The following EDRF1 variants were observed in gnomAD, a reference collection of about 807,000 sequenced individuals.
The protein encoded by EDRF1 is erythroid differentiation-related factor 1.
A neutral mutation model predicts 148.7 loss-of-function variants in EDRF1; 69 were observed. The ratio of observed to expected loss-of-function variants is 0.46; its 90% CI spans 0.38 to 0.57. The LOEUF (loss-of-function observed/expected upper bound fraction) is 0.57, where lower values mean the gene tolerates loss of function less well. EDRF1 is among the 20% of genes least tolerant of loss of function. The pLI is 0.00. For synonymous variants in EDRF1, 515 were observed against 532.8 expected, an observed-to-expected ratio of 0.97 and a Z score of 0.46; for missense variants, 1,118 against 1,478.7, an observed-to-expected ratio of 0.76 and a Z score of 4.00.
chr10:125,735,388 G>T (rs1848676771), intron 12 of EDRF1, among the ~76,000 whole-genome samples: 1 of 152,096 alleles, frequency 6.6e-6, no homozygotes, highest in African/African-American at 2.4e-5. Flanking sequence ...GTGAAATTCA[G>T]TTGACACCTT....
chr10:125,749,247 C>CAAA, intron 21 of EDRF1, 165 bp from the exon 22 acceptor site: 15 of 635,556 alleles, frequency 2.4e-5, no homozygotes, highest in Non-Finnish European at 3.5e-5. Context: ...GACCCTGTCT[C>CAAA]AAAAAAAAAA....
At chr10:125,752,105 G>A (rs958831897) in intron 22 of EDRF1, 1 of 152,182 alleles carries the variant, frequency 6.6e-6, no homozygotes, top group South Asian at 2.1e-4. Context: ...GGGGCCCAAA[G>A]TCCCCACAGT....
At position 125,740,443 on chromosome 10, in the gene EDRF1, T is replaced by C. The variant is rs751493990; in HGVS notation, c.1982-20T>C. 40 of 1,612,866 alleles carry C rather than the reference T, an allele frequency of 2.5e-5. No individual in the cohort carries two copies. The Admixed American group carries it at 6.7e-4, about 27-fold the overall frequency. ...AGTCAAATGAAATGTGCTGTCTTTT[T>C]TTTTCTCTCCATGTCACAGTGGGCT... On this transcript the variant is annotated intron_variant, in intron 15 of 24. Coordinates refer to ENST00000356792, the MANE Select transcript of EDRF1 (RefSeq NM_001202438.2).
rs1263555468 is a variant in EDRF1, at chr10:125,735,626, TTC to T, written c.1498-12_1498-11del. ...TTTGATGACAGTAATTTACACATAT[TTC>T]TCTCTTTTTCATAAGATTATTGCTT... is the stretch of plus-strand genomic sequence containing the variant. On this transcript the variant is annotated splice_polypyrimidine_tract_variant and intron_variant, in intron 12 of 24. Coordinates refer to ENST00000356792, the MANE Select transcript of EDRF1 (RefSeq NM_001202438.2). 23 of 1,609,276 alleles carry T rather than the reference TTC, an allele frequency of 1.4e-5. No individual in the cohort carries two copies. Among genetic ancestry groups the T allele is most frequent in the Non-Finnish European group, 1.9e-5 (22 of 1,177,060 alleles).
In EDRF1 at chr10:125,725,823, C is replaced by T. The variant is rs2133674150; in HGVS notation, c.777C>T (p.Pro259=). ...TGCCTTCTTCAGTTTCTGAAGATCCCAGTGCTTCCAGTCAGGTTAGTACTT... is the reference window on the plus strand; with the variant it reads ...TGCCTTCTTCAGTTTCTGAAGATCCTAGTGCTTCCAGTCAGGTTAGTACTT... ...FEMPSSVSED[P]SASSQGSEPL... is the part of the protein sequence containing the mutation. Residue 259 remains proline, a synonymous_variant, in exon 6 of 25, where the codon CCC becomes CCT. Coordinates refer to ENST00000356792, the MANE Select transcript of EDRF1 (RefSeq NM_001202438.2). The T allele has an allele frequency of 2.5e-6, 4 of 1,613,474 alleles. No individual in the cohort carries two copies. The East Asian group carries it at 8.9e-5, about 36-fold the overall frequency.
Position 125,735,835 on chromosome 10 carries a change from A to C in EDRF1, c.1689A>C (p.Ala563=). The C allele has an allele frequency of 6.2e-7, 1 of 1,612,988 alleles. No individual in the cohort carries two copies. ...TSSDPSDDSK[A]VAIIKSVGEL... ...CTGATCCATCAGATGATAGCAAAGC[A>C]GTAGCTATAATCAAGTCTGTTGGAG... Residue 563 remains alanine, a synonymous_variant, in exon 13 of 25, where the codon GCA becomes GCC. Transcript: ENST00000356792.
chr10:125,720,393 CAA>C (rs200730834), intron 1 of EDRF1, among the ~76,000 whole-genome samples: 3,783 of 152,254 alleles, frequency 0.025, 72 homozygotes, highest in Non-Finnish European at 0.037. Context: ...GTTAGAGACT[CAA>C]GAGTATTTGA....
Position 125,733,620 on chromosome 10 carries a change from TG to T in EDRF1, c.1277-14del. The stretch of plus-strand genomic sequence containing the variant: ...TAACTGCTGTGAAATGAGTCTTCTT[TG>T]TTTTTCTTTTCAGCAAGTGGCAGCG... On this transcript the variant is annotated splice_polypyrimidine_tract_variant and intron_variant, in intron 10 of 24. Transcript: ENST00000356792. The T allele has an allele frequency of 6.2e-7, 1 of 1,612,938 alleles. No individual in the cohort carries two copies. The highest frequency in any genetic ancestry group is 1.1e-5 in the South Asian group (1 of 91,054).
chr10:125,737,592 C>T (rs947340958), intron 13 of EDRF1, among the ~76,000 whole-genome samples: 6 of 152,088 alleles, frequency 3.9e-5, no homozygotes, highest in Admixed American at 3.3e-4. Flanking sequence ...AATTAAACAA[C>T]GAGAATATTG....
At chr10:125,721,474 C>T (rs1240284083) in intron 2 of EDRF1, 62 bp downstream of exon 2, 69 of 1,473,242 alleles carry the variant, frequency 4.7e-5, no homozygotes, top group Admixed American at 1.1e-4. Context: ...CTCTTATTTG[C>T]TTTTAAATTC....
chr10:125,748,462 C>T (rs906594425), intron 21 of EDRF1: 1 of 205,948 alleles, frequency 4.9e-6, no homozygotes, highest in African/African-American at 2.3e-5. Flanking sequence ...TGCCCAAATG[C>T]CTGTATTTCT....
intron 24 of EDRF1, among the ~76,000 whole-genome samples, chr10:125,758,478 G>A (rs1205969628): frequency 6.6e-6 from 1 of 151,558 alleles, no homozygotes; most frequent in African/African-American, 2.4e-5. Flanking sequence ...GGAATTTTTT[G>A]TACTTTCCCC....
rs1414006905 is a variant in EDRF1, at chr10:125,738,280, T to C, written c.1831-15T>C. The C allele has an allele frequency of 1.2e-6, 2 of 1,613,970 alleles. No homozygotes were observed. Among genetic ancestry groups the C allele is most frequent in the African/African-American group, 2.7e-5 (2 of 74,914 alleles). On this transcript the variant is annotated splice_polypyrimidine_tract_variant and intron_variant, in intron 14 of 24. Coordinates refer to ENST00000356792, the MANE Select transcript of EDRF1 (RefSeq NM_001202438.2). ...GAAGTTAGATAGATAGTGAATGCTT[T>C]TCCTTTTTTTGCAGGGTTTAAAATC... is the stretch of plus-strand genomic sequence containing the variant.
rs1307362382 is a variant in EDRF1 at position 125,728,511 on chromosome 10, G to A, written c.793-492G>A. 4.6e-5 allele frequency among the ~76,000 whole-genome samples: 7 copies of A among 152,184 alleles called. No individual in the cohort carries two copies. The East Asian group carries it at 1.4e-3, about 29-fold the overall frequency. On this transcript the variant is annotated intron_variant, in intron 6 of 24. Transcript: ENST00000356792. ...AATGAGTATCTCAAACTGTGGCTGA[G>A]TAAGATTTCTTAGGGTTTCTTTTTT...
intron 12 of EDRF1, among the ~76,000 whole-genome samples, chr10:125,734,844 C>T (rs953182957): frequency 6.6e-6 from 1 of 152,096 alleles, no homozygotes; most frequent in Admixed American, 6.6e-5. Context: ...TTGTTGTATC[C>T]TGTTCAAATC....
intron 6 of EDRF1, among the ~76,000 whole-genome samples, chr10:125,727,349 T>C (rs1484131656): frequency 1.3e-5 from 2 of 152,258 alleles, no homozygotes; most frequent in Non-Finnish European, 2.9e-5. Flanking sequence ...GATTTGTTTA[T>C]ATTTGCAAGC....
intron 9 of EDRF1, 42 bp from the exon 10 acceptor site, chr10:125,733,362 G>T: frequency 6.7e-7 from 1 of 1,500,364 alleles, no homozygotes; most frequent in East Asian, 2.4e-5. Context: ...TGTTTCCTTG[G>T]GTTTTCTCTT....
Position 125,729,474 on chromosome 10 carries a change from T to A in EDRF1, c.1011T>A (p.Arg337=). 1 of 1,614,170 alleles carries A rather than the reference T, an allele frequency of 6.2e-7. No individual in the cohort carries two copies. The highest frequency in any genetic ancestry group is 8.5e-7 in the Non-Finnish European group (1 of 1,180,028). The change falls in exon 8 of 25, where the codon CGT becomes CGA. Residue 337 remains arginine (R), a synonymous_variant. Transcript: ENST00000356792. ...GGGRYPAVSL[R]LRDNNKPINV... Reference sequence around the variant, plus strand: ...GCAGATACCCAGCAGTCAGCTTACGTCTCAGGTGAACTAACATCATACCCC... The same window carrying A: ...GCAGATACCCAGCAGTCAGCTTACGACTCAGGTGAACTAACATCATACCCC...
chr10:125,734,176 A>G lies in EDRF1; in HGVS notation c.1490A>G (p.His497Arg). 1 of 1,601,778 alleles carries G rather than the reference A, an allele frequency of 6.2e-7. No individual in the cohort carries two copies. The highest frequency in any genetic ancestry group is 8.6e-7 in the Non-Finnish European group (1 of 1,168,936). The change falls in exon 12 of 25, where the codon CAT becomes CGT. Residue 497 changes from histidine (H) to arginine (R), a missense_variant. Around this residue, in one of 3 missense-constraint regions of EDRF1, gnomAD observed 954 missense variants for 1,241.4 expected, o/e 0.77. Transcript: ENST00000356792. The part of the protein sequence containing the change: ...NCLKLLDKSR[H>R]PQIIASANYM... ...CTGAAATTACTGGACAAAAGTAGGC[A>G]TCCTCAAGTAAGATTAACATTTATG...
Sources: gnomAD v4.1 joint callset for allele counts (sites outside exome capture counted in the v4.1 genomes callset) on GRCh38, gnomAD v4.1.1 for gene constraint, gnomAD v4.1.1 regional missense constraint, MANE v1.5 for transcripts, NCBI Gene and HGNC (gene_info 2026-07-23, HGNC 2026-07-21) for gene names.